CLIP3: variants seen among roughly 807,000 people sequenced by gnomAD.
CLIP3 encodes CAP-Gly domain containing linker protein 3.
In CLIP3, 15 loss-of-function variants were observed where a neutral mutation model predicts 59.4. The ratio of observed to expected loss-of-function variants is 0.25; its 90% CI spans 0.17 to 0.39. CLIP3 has a LOEUF of 0.39. Among genes scored for constraint, CLIP3 ranks in the 10% least tolerant of loss-of-function variants. The pLI is 1.00. For synonymous variants in CLIP3, 300 were observed against 321.6 expected (o/e 0.93, Z 0.72); for missense variants, 495 against 765.7 (o/e 0.65, Z 4.17).
Position 36,032,262 on chromosome 19 carries a change from G to T in CLIP3, c.96C>A (p.Ser32Arg). The change falls in exon 2 of 14, where the codon AGC becomes AGA. Residue 32 changes from serine (S) to arginine (R), a missense_variant. Coordinates refer to ENST00000360535, the MANE Select transcript of CLIP3 (RefSeq NM_015526.3). The surrounding 1 kb of genome is among the most constrained non-coding windows in gnomAD (Gnocchi z 4.3). ...GCTTCTGCCGGCGCTCCTGGGTGGG[G>T]CTGGGGGCCTCGGGGACGGGTTCAT... ...EEDEPVPEAP[S>R]PTQERRQKPV... 1 of 1,302,124 alleles carries T rather than the reference G, an allele frequency of 7.7e-7. No individual in the cohort carries two copies. Among genetic ancestry groups the T allele is most frequent in the East Asian group, 3.0e-5 (1 of 33,760 alleles). The allele number at this position is 1,302,124 out of a possible 1,614,324, so 80.7% of individuals were successfully genotyped here. A position where few individuals can be genotyped will look rare whatever the true frequency, so the allele number is the denominator to read the frequency against.
rs553572365 is a variant in CLIP3, at chr19:36,024,503, C to T, written c.811G>A (p.Ala271Thr). 110 of 1,614,250 alleles carry T rather than the reference C, an allele frequency of 6.8e-5. No homozygotes were observed. The highest frequency in any genetic ancestry group is 3.0e-4 in the Admixed American group (18 of 60,030). ...TTGGGTAGCGTGACCTTGGGGAGGG[C>T]GCAAGATAGTGGCACTGCCTCTTCC... ...LLEEAVPLSCALPKVTLPNYD... is the reference protein window; with the variant it reads ...LLEEAVPLSCTLPKVTLPNYD... Residue 271 changes from alanine to threonine, a missense_variant, in exon 7 of 14, where the codon GCC (alanine) becomes ACC (threonine). Physicochemically the swap from Ala to Thr is moderately conservative, Grantham distance 58 (BLOSUM62 0). This residue lies in a region of CLIP3 where 194 missense variants were observed against 327.8 expected (regional missense o/e 0.59). Transcript: ENST00000360535.
intron 9 of CLIP3, among the ~76,000 whole-genome samples, chr19:36,018,201 G>A (rs1400088691): frequency 6.6e-6 from 1 of 152,194 alleles, no homozygotes; most frequent in Non-Finnish European, 1.5e-5. Flanking sequence ...TCTCAAAGCT[G>A]AGGATATGTT....
intron 7 of CLIP3, among the ~76,000 whole-genome samples, chr19:36,022,347 G>A (rs1968974728): frequency 6.6e-6 from 1 of 152,076 alleles, no homozygotes; most frequent in Admixed American, 6.6e-5. Flanking sequence ...CTCCATTTAC[G>A]GATGAAGACA....
intron 7 of CLIP3, among the ~76,000 whole-genome samples, chr19:36,020,336 C>G (rs1252918705): frequency 6.6e-6 from 1 of 151,998 alleles, no homozygotes; most frequent in Non-Finnish European, 1.5e-5. Context: ...GGCGCGGTGG[C>G]TCACACCTAT....
At chr19:36,028,996 C>CTTTTTTTTTTTTTTTT (rs71167588) in intron 2 of CLIP3, among the ~76,000 whole-genome samples, 1 of 65,212 alleles carries the variant, frequency 1.5e-5, no homozygotes, top group African/African-American at 6.6e-5. Flanking sequence ...ATCTCCTACT[C>CTTTTTTTTTTTTTTTT]TTTTTTTTTT....
intron 2 of CLIP3, among the ~76,000 whole-genome samples, chr19:36,029,884 G>A (rs963231522): frequency 4.0e-5 from 6 of 151,870 alleles, no homozygotes; most frequent in African/African-American, 1.5e-4. Flanking sequence ...CACATTCTGG[G>A]ACAAAACCTC....
intron 2 of CLIP3, among the ~76,000 whole-genome samples, chr19:36,031,110 G>C (rs1220734068): frequency 7.4e-6 from 1 of 136,026 alleles, no homozygotes; most frequent in Non-Finnish European, 1.5e-5. Context: ...CTGCCTCCCA[G>C]GTTCAAGCGA....
intron 2 of CLIP3, among the ~76,000 whole-genome samples, chr19:36,030,014 G>C (rs1969214965): frequency 6.6e-6 from 1 of 152,050 alleles, no homozygotes; most frequent in South Asian, 2.1e-4. Context: ...AGTTTTCTGA[G>C]GTACAGCACC....
Position 36,017,673 on chromosome 19 carries a change from G to A in CLIP3, c.1433C>T (p.Pro478Leu), listed in dbSNP as rs1355522966. 6.2e-7 allele frequency: 1 copy of A among 1,613,906 alleles called. No homozygotes were observed. Among genetic ancestry groups the A allele is most frequent in the African/African-American group, 1.3e-5 (1 of 74,876 alleles). Residue 478 changes from proline to leucine, a missense_variant, in exon 11 of 14, where the codon CCA becomes CTA. Physicochemically the swap from Pro to Leu is moderately conservative, Grantham distance 98. Coordinates refer to ENST00000360535, the MANE Select transcript of CLIP3 (RefSeq NM_015526.3). ...TCPPRHGVFA[P>L]ASRIQRIGGS... ...GGCTCACCTCTGAATACGGGATGCT[G>A]GTGCGAAGACCCCATGCCTCGGGGG... is the stretch of plus-strand genomic sequence containing the variant.
intron 10 of CLIP3, 33 bp downstream of exon 10, chr19:36,017,815 G>A: frequency 6.2e-7 from 1 of 1,614,148 alleles, no homozygotes; most frequent in South Asian, 1.1e-5. Flanking sequence ...TCAAGGCCCT[G>A]CCTGCCTCCC....
At chr19:36,027,389 G>A (rs1255957886) in intron 2 of CLIP3, 118 bp from the exon 3 acceptor site, 4 of 1,115,346 alleles carry the variant, frequency 3.6e-6, no homozygotes, top group Middle Eastern at 2.1e-4. Context: ...TCAAGCTGGT[G>A]GCACATGGGC....
chr19:36,021,025 AAACAAC>A (rs778093350), intron 7 of CLIP3, among the ~76,000 whole-genome samples: 16 of 151,894 alleles, frequency 1.1e-4, no homozygotes, highest in Non-Finnish European at 2.2e-4. Context: ...TGGCTAATTA[AAACAAC>A]AACAACAACA....
intron 2 of CLIP3, among the ~76,000 whole-genome samples, chr19:36,030,985 T>C (rs1164820827): frequency 6.7e-6 from 1 of 149,096 alleles, no homozygotes; most frequent in Non-Finnish European, 1.5e-5. Flanking sequence ...TTAATTTCTT[T>C]TTCTTTTTTC....
rs913037577 is a variant in CLIP3 at position 36,015,947 on chromosome 19, G to C, written c.*211C>G. On this transcript the variant is annotated 3_prime_UTR_variant, in exon 14 of 14. Transcript: ENST00000360535. ...GACTAGCCTGAAGGTGCTACTCAGGGAATCTCTTTCTGGGTGACATGGGGT... is the reference window on the plus strand; with the variant it reads ...GACTAGCCTGAAGGTGCTACTCAGGCAATCTCTTTCTGGGTGACATGGGGT... 5 of 609,034 alleles carry C rather than the reference G, an allele frequency of 8.2e-6. No homozygotes were observed. The Admixed American group carries it at 1.4e-4, about 17-fold the overall frequency. The allele number at this position is 609,034 out of a possible 1,614,324, so 37.7% of individuals were successfully genotyped here.
intron 6 of CLIP3, among the ~76,000 whole-genome samples, chr19:36,025,139 C>T (rs1383465642): frequency 6.6e-6 from 1 of 151,712 alleles, no homozygotes; most frequent in Non-Finnish European, 1.5e-5. Flanking sequence ...CCCTGAGACC[C>T]AGGGCTGGGG....
intron 9 of CLIP3, among the ~76,000 whole-genome samples, chr19:36,018,582 C>CAA (rs753224712): frequency 1.9e-3 from 145 of 75,862 alleles, no homozygotes; most frequent in African/African-American, 3.0e-3. Flanking sequence ...ACTCTTGACT[C>CAA]AAAAAAAAAA....
At chr19:36,022,565 A>G (rs1968980675) in intron 7 of CLIP3, among the ~76,000 whole-genome samples, 1 of 152,170 alleles carries the variant, frequency 6.6e-6, no homozygotes, top group Non-Finnish European at 1.5e-5. Context: ...AAATGGGAAG[A>G]GTCAACCCAA....
rs1307475545 is a variant in CLIP3, at chr19:36,016,823, G to A, written c.1589+84C>T. The A allele has an allele frequency of 2.1e-6, 3 of 1,416,038 alleles. No individual in the cohort carries two copies. The African/African-American group carries it at 4.3e-5, about 20-fold the overall frequency. The allele number at this position is 1,416,038 out of a possible 1,614,324, so 87.7% of individuals were successfully genotyped here. The stretch of plus-strand genomic sequence containing the variant: ...ACCTCTCTTTCCAGCCCTGACCAGA[G>A]CTCCAGACCTCTGGGTCCAACTGCC... On this transcript the variant is annotated intron_variant, in intron 13 of 13. Transcript: ENST00000360535. The surrounding 1 kb of genome is among the most constrained non-coding windows in gnomAD (Gnocchi z 4.1).
chr19:36,018,056 C>T, intron 9 of CLIP3, 65 bp from the exon 10 acceptor site: 2 of 1,572,320 alleles, frequency 1.3e-6, no homozygotes, highest in South Asian at 2.2e-5. Flanking sequence ...CCTCGTGCCA[C>T]CTGGAAAACC....
Sources: gnomAD v4.1 joint callset for allele counts (sites outside exome capture counted in the v4.1 genomes callset) on GRCh38, gnomAD v4.1.1 for gene constraint, gnomAD v4.1.1 regional missense constraint, Gnocchi (gnomAD v3.1) non-coding constraint, MANE v1.5 for transcripts, NCBI Gene and HGNC (gene_info 2026-07-23, HGNC 2026-07-21) for gene names.